Variants in CFAP46 observed in about 807,000 individuals in gnomAD.
The protein encoded by CFAP46 is cilia and flagella associated protein 46, also known as cilia- and flagella-associated protein 46.
A neutral mutation model predicts 325.7 loss-of-function variants in CFAP46; 245 were observed. The ratio of observed to expected loss-of-function variants is 0.75; its 90% CI spans 0.68 to 0.84. The LOEUF (loss-of-function observed/expected upper bound fraction) is 0.84, where lower values mean the gene tolerates loss of function less well. Ranked by LOEUF, CFAP46 falls within the 40% of genes least tolerant of loss-of-function variation. CFAP46 has a pLI of 0.00. For missense variants in CFAP46, 3,346 were observed against 3,543.0 expected, an observed-to-expected ratio of 0.94 and a Z score of 1.41; for synonymous variants, 1,523 against 1,495.9, an observed-to-expected ratio of 1.02 and a Z score of -0.42.
At chr10:132,916,446 T>G in intron 17 of CFAP46, 103 bp downstream of exon 17, 1 of 1,303,914 alleles carries the variant, frequency 7.7e-7, no homozygotes, top group Non-Finnish European at 1.0e-6. Context: ...GCCGGTGTCC[T>G]TACGAATGCA....
Position 132,934,874 on chromosome 10 carries a change from T to G in CFAP46, c.756-12A>C. The G allele has an allele frequency of 1.4e-6, 2 of 1,476,266 alleles. No homozygotes were observed. Among genetic ancestry groups the G allele is most frequent in the Non-Finnish European group, 1.9e-6 (2 of 1,055,402 alleles). The allele number at this position is 1,476,266 out of a possible 1,614,324, so 91.4% of individuals were successfully genotyped here. On this transcript the variant is annotated splice_polypyrimidine_tract_variant and intron_variant, in intron 7 of 57. Coordinates refer to ENST00000368586, the MANE Select transcript of CFAP46 (RefSeq NM_001200049.3). The stretch of plus-strand genomic sequence containing the variant: ...TTTGCTCCGCTTTTCTAGAAATAAT[T>G]CAGAGAGTAATTCAGCACAAGATCC...
intron 10 of CFAP46, among the ~76,000 whole-genome samples, chr10:132,925,935 G>A (rs1243370909): frequency 2.6e-5 from 4 of 152,236 alleles, no homozygotes; most frequent in African/African-American, 7.2e-5. Flanking sequence ...GTTCCCAGCC[G>A]ACCCTGTGGC....
chr10:132,924,564 T>C, intron 11 of CFAP46, 132 bp downstream of exon 11: 1 of 872,616 alleles, frequency 1.1e-6, no homozygotes, highest in Non-Finnish European at 1.6e-6. Flanking sequence ...AGGGTGGCCC[T>C]TATTGAGTAC....
intron 5 of CFAP46, 140 bp from the exon 6 acceptor site, chr10:132,937,815 C>G: frequency 8.3e-7 from 1 of 1,208,306 alleles, no homozygotes; most frequent in Non-Finnish European, 1.1e-6. Flanking sequence ...TCAGCCAGAA[C>G]CAGGCTGTGT....
intron 15 of CFAP46, 147 bp from the exon 16 acceptor site, chr10:132,918,667 G>A: frequency 9.2e-7 from 1 of 1,090,562 alleles, no homozygotes; most frequent in Non-Finnish European, 1.2e-6. Flanking sequence ...CGGGAGGTGG[G>A]CAGCTTGCCC....
In CFAP46 at chr10:132,891,613, C is replaced by T. The variant is rs371056786; in HGVS notation, c.3304+720G>A. On this transcript the variant is annotated intron_variant, in intron 25 of 57. Transcript: ENST00000368586. ...GAAAATCCACATGCTGTGGAGAATG[C>T]CCTTTTCCCTCTCCAGGGCTTTTCC... Among the ~76,000 whole-genome samples the T allele has an allele frequency of 1.8e-4, 28 of 152,310 alleles. No homozygotes were observed. In the East Asian group the frequency reaches 3.7e-3, roughly 20 times the overall value.
Position 132,846,952 on chromosome 10 carries a change from G to C in CFAP46, c.6247C>G (p.Gln2083Glu). Residue 2083 changes from glutamine (Q) to glutamate (E), a missense_variant, in exon 43 of 58, where the codon CAG becomes GAG. Gln to Glu is a conservative substitution (Grantham distance 29). Transcript: ENST00000368586. ...VGTLDPATTC[Q>E]FLALSQSCSA... ...CACACCTGAGACAGAGCCAGGAACT[G>C]GCAGGTAGTTGCAGGGTCCAGGGTG... is the stretch of plus-strand genomic sequence containing the variant. 1.2e-6 allele frequency: 2 copies of C among 1,610,818 alleles called. No individual in the cohort carries two copies. The highest frequency in any genetic ancestry group is 8.5e-7 in the Non-Finnish European group (1 of 1,179,632).
Position 132,832,398 on chromosome 10 carries a change from C to CCCCCCCCG in CFAP46, c.7117+959_7117+960insCGGGGGGG, listed in dbSNP as rs899709488. 6.0e-5 allele frequency among the ~76,000 whole-genome samples: 8 copies of CCCCCCCCG among 133,006 alleles called. No homozygotes were observed. The highest frequency in any genetic ancestry group is 2.7e-4 in the South Asian group (1 of 3,712). The allele number at this position is 133,006 out of a possible 152,430, so 87.3% of individuals were successfully genotyped here. ...CCCTGGGCTCTTCCTGCCCCCCCCC[C>CCCCCCCCG]CCAATGCTGTGGCCTGGAAATTCCC... is the stretch of plus-strand genomic sequence containing the variant. On this transcript the variant is annotated intron_variant, in intron 50 of 57. Coordinates refer to ENST00000368586, the MANE Select transcript of CFAP46 (RefSeq NM_001200049.3). The surrounding 1 kb of genome is among the most constrained non-coding windows in gnomAD (Gnocchi z 4.1).
chr10:132,941,729 G>C lies in CFAP46; in HGVS notation c.175-7C>G. ...TCACCTCTGGCTGCCTCATCTGCAA[G>C]AGAACACCACCACAGAAGATCACAG... On this transcript the variant is annotated splice_polypyrimidine_tract_variant and splice_region_variant and intron_variant, in intron 2 of 57. Transcript: ENST00000368586. 6.2e-7 allele frequency: 1 copy of C among 1,613,864 alleles called. No individual in the cohort carries two copies. The highest frequency in any genetic ancestry group is 8.5e-7 in the Non-Finnish European group (1 of 1,179,982).
Position 132,889,611 on chromosome 10 carries a change from G to T in CFAP46, c.3304+2722C>A, listed in dbSNP as rs1849226647. On this transcript the variant is annotated intron_variant, in intron 25 of 57. Coordinates refer to ENST00000368586, the MANE Select transcript of CFAP46 (RefSeq NM_001200049.3). The surrounding 1 kb of genome is among the most constrained non-coding windows in gnomAD (Gnocchi z 6.0). ...AAGTGGAGGGCTCACTTTGAGGTGT[G>T]ACCTCCTGATTGACCCACAGCCATG... Among the ~76,000 whole-genome samples, 2 of 152,220 alleles carry T rather than the reference G, an allele frequency of 1.3e-5. No individual in the cohort carries two copies. Among genetic ancestry groups the T allele is most frequent in the Admixed American group, 1.3e-4 (2 of 15,286 alleles).
At chr10:132,822,645 C>CGCTGTGTGCTGTGTGAGT (rs1847891202) in intron 50 of CFAP46, among the ~76,000 whole-genome samples, 1 of 104,170 alleles carries the variant, frequency 9.6e-6, no homozygotes, top group South Asian at 3.6e-4. Context: ...GCTGTCTGTG[C>CGCTGTGTGCTGTGTGAGT]GCTGATGTGT....
At chr10:132,921,158 C>T (rs570081334) in intron 13 of CFAP46, among the ~76,000 whole-genome samples, 1 of 151,978 alleles carries the variant, frequency 6.6e-6, no homozygotes, top group African/African-American at 2.4e-5. Flanking sequence ...ACCACCATCT[C>T]CACAGGCTGC....
At position 132,939,543 on chromosome 10, in the gene CFAP46, G is replaced by A. The variant is rs1460735500; in HGVS notation, c.372-790C>T. 6.6e-6 allele frequency among the ~76,000 whole-genome samples: 1 copy of A among 152,204 alleles called. No individual in the cohort carries two copies. Among genetic ancestry groups the A allele is most frequent in the Non-Finnish European group, 1.5e-5 (1 of 68,036 alleles). On this transcript the variant is annotated intron_variant, in intron 4 of 57. Coordinates refer to ENST00000368586, the MANE Select transcript of CFAP46 (RefSeq NM_001200049.3). This position sits in a 1 kb window ranked among gnomAD's most constrained non-coding sequence, Gnocchi z 4.6. ...ACCAGGTGGACCAGCACTGCTCAAT[G>A]CCCAGGTGGGAGGAGGACACCAGGG...
chr10:132,908,327 G>A, intron 22 of CFAP46, 141 bp downstream of exon 22: 1 of 1,020,136 alleles, frequency 9.8e-7, no homozygotes, highest in Non-Finnish European at 1.4e-6. Flanking sequence ...CCTGATCTGT[G>A]ATCGCGGCCC....
At chr10:132,824,564 GTGTGTGC>G (rs1278610873) in intron 50 of CFAP46, among the ~76,000 whole-genome samples, 34 of 122,840 alleles carry the variant, frequency 2.8e-4, no homozygotes, top group African/African-American at 8.1e-4. Flanking sequence ...TGTGTGCTGT[GTGTGTGC>G]TGTGTGCTGT....
At chr10:132,866,943 C>T (rs957823683) in intron 34 of CFAP46, among the ~76,000 whole-genome samples, 5 of 152,226 alleles carry the variant, frequency 3.3e-5, no homozygotes, top group Admixed American at 3.3e-4. Context: ...GCTCCCTCTT[C>T]GCTGCCCCCA....
chr10:132,835,510 G>T (rs1848226136), intron 46 of CFAP46, 76 bp from the exon 47 acceptor site: 4 of 1,564,260 alleles, frequency 2.6e-6, no homozygotes, highest in Non-Finnish European at 3.5e-6. Context: ...GGTGAGCACT[G>T]GGAAAAGGGC....
At chr10:132,903,007 G>A (rs1359459152) in intron 22 of CFAP46, among the ~76,000 whole-genome samples, 3 of 148,100 alleles carry the variant, frequency 2.0e-5, no homozygotes, top group Non-Finnish European at 4.4e-5. Context: ...AGTGAGTTAC[G>A]CCCCAGTGTG....
chr10:132,868,577 C>A (rs1050099227), intron 33 of CFAP46, among the ~76,000 whole-genome samples: 2 of 152,212 alleles, frequency 1.3e-5, no homozygotes, highest in African/African-American at 4.8e-5. Flanking sequence ...TCCACTTTCA[C>A]CATAACAGTG....
Sources: gnomAD v4.1 joint callset for allele counts (sites outside exome capture counted in the v4.1 genomes callset) on GRCh38, gnomAD v4.1.1 for gene constraint, Gnocchi (gnomAD v3.1) non-coding constraint, MANE v1.5 for transcripts, NCBI Gene and HGNC (gene_info 2026-07-23, HGNC 2026-07-21) for gene names.